The following PCDHA12 variants were observed in gnomAD, a reference collection of about 807,000 sequenced individuals.
PCDHA12 encodes protocadherin alpha-12.
In PCDHA12, 44 loss-of-function variants were observed where a neutral mutation model predicts 60.0. The observed-to-expected ratio is 0.73, with a 90% CI of 0.58 to 0.94. PCDHA12 has a LOEUF of 0.94. Among genes scored for constraint, PCDHA12 ranks in the 40% least tolerant of loss-of-function variants. PCDHA12 has a pLI of 0.00. For missense variants in PCDHA12, 1,276 were observed against 1,239.7 expected, an observed-to-expected ratio of 1.03 and a Z score of -0.44; for synonymous variants, 569 against 553.0, an observed-to-expected ratio of 1.03 and a Z score of -0.40.
At chr5:140,966,724 CGCCTCCGGCCCTGCCCGGCT>C (rs1563354102) in intron 1 of PCDHA12, 1 of 1,396,284 alleles carries the variant, frequency 7.2e-7, no homozygotes, top group Admixed American at 3.3e-5. Flanking sequence ...GGGAAGCTGC[CGCCTCCGGCCCTGCCCGGCT>C]GCCTCCGCCG....
intron 1 of PCDHA12, among the ~76,000 whole-genome samples, chr5:140,948,999 ATT>A (rs782571922): frequency 1.3e-5 from 2 of 151,708 alleles, no homozygotes; most frequent in Non-Finnish European, 3.0e-5. Flanking sequence ...CATTTTACTA[ATT>A]TTTATATGTG....
chr5:140,960,316 G>A (rs1360755627), intron 1 of PCDHA12, among the ~76,000 whole-genome samples: 1 of 152,066 alleles, frequency 6.6e-6, no homozygotes, highest in African/African-American at 2.4e-5. Flanking sequence ...ACCTCATTAG[G>A]GTCCTGTGAG....
chr5:140,966,258 A>G, intron 1 of PCDHA12: 1 of 337,520 alleles, frequency 3.0e-6, no homozygotes, highest in Non-Finnish European at 5.3e-6. Context: ...GAGACGGTGG[A>G]GACTGGATGA....
intron 3 of PCDHA12, among the ~76,000 whole-genome samples, chr5:140,984,759 T>C (rs2097119018): frequency 6.6e-6 from 1 of 152,184 alleles, no homozygotes; most frequent in Non-Finnish European, 1.5e-5. Context: ...AGTTGAATTC[T>C]AATCCCAAGC....
chr5:141,005,626 C>T (rs554956978), intron 3 of PCDHA12, among the ~76,000 whole-genome samples: 5 of 136,646 alleles, frequency 3.7e-5, no homozygotes, highest in South Asian at 4.9e-4. Context: ...GGCGTGAACC[C>T]GGGAGGCGGA....
intron 1 of PCDHA12, among the ~76,000 whole-genome samples, chr5:140,878,256 C>G (rs2057518420): frequency 6.6e-6 from 1 of 152,160 alleles, no homozygotes; most frequent in Admixed American, 6.5e-5. Flanking sequence ...TCCTCACGTG[C>G]TTAGGCTTTT....
At chr5:140,931,751 A>G (rs1393748704) in intron 1 of PCDHA12, among the ~76,000 whole-genome samples, 2 of 151,952 alleles carry the variant, frequency 1.3e-5, no homozygotes, top group African/African-American at 4.8e-5. Context: ...TCACAAAGGC[A>G]TTTGTTATTT....
intron 1 of PCDHA12, 146 bp from the exon 2 acceptor site, chr5:140,978,803 C>A: frequency 2.0e-6 from 3 of 1,485,240 alleles, no homozygotes; most frequent in Middle Eastern, 1.8e-4. Context: ...ATGTAGATAT[C>A]ATCATAGAGT....
chr5:140,878,927 A>G (rs1176306554), intron 1 of PCDHA12, among the ~76,000 whole-genome samples: 1 of 152,216 alleles, frequency 6.6e-6, no homozygotes, highest in African/African-American at 2.4e-5. Context: ...TCAATCAATA[A>G]TTTTAAATAA....
intron 3 of PCDHA12, among the ~76,000 whole-genome samples, chr5:141,002,590 C>T (rs183905414): frequency 6.6e-6 from 1 of 152,294 alleles, no homozygotes; most frequent in East Asian, 1.9e-4. Flanking sequence ...AGTCCTTAGT[C>T]CCCTCATCTA....
In PCDHA12 at chr5:140,875,323, A is replaced by G; in HGVS notation, c.-150A>G. On this transcript the variant is annotated 5_prime_UTR_variant, in exon 1 of 4. Coordinates refer to ENST00000398631, the MANE Select transcript of PCDHA12 (RefSeq NM_018903.4). ...CTCCGCACCCACATTCCAATCATTC[A>G]CGGAATAGGATCGACTCCATAATGA... 3 of 1,427,940 alleles carry G rather than the reference A, an allele frequency of 2.1e-6. No individual in the cohort carries two copies. Among genetic ancestry groups the G allele is most frequent in the South Asian group, 3.2e-5 (2 of 63,362 alleles). 88.5% of individuals were successfully genotyped at this position (1,427,940 alleles called of 1,614,324 possible).
At chr5:140,967,695 T>G in intron 1 of PCDHA12, 1 of 1,614,184 alleles carries the variant, frequency 6.2e-7, no homozygotes, top group Non-Finnish European at 8.5e-7. Flanking sequence ...CTCTTCAGCA[T>G]AGATGCCAGT....
At chr5:140,955,343 A>G (rs1031411707) in intron 1 of PCDHA12, among the ~76,000 whole-genome samples, 16 of 152,134 alleles carry the variant, frequency 1.1e-4, no homozygotes, top group African/African-American at 3.9e-4. Context: ...TAATCCCCAC[A>G]TGTTGTGAGA....
At chr5:141,005,696 C>A (rs1269379462) in intron 3 of PCDHA12, among the ~76,000 whole-genome samples, 1 of 105,034 alleles carries the variant, frequency 9.5e-6, no homozygotes, top group African/African-American at 4.2e-5. Flanking sequence ...AGCGAAACTC[C>A]GTCTCAAAAA....
In PCDHA12 at chr5:140,886,687, A is replaced by G. The variant is rs553566283; in HGVS notation, c.2367+8848A>G. On this transcript the variant is annotated intron_variant, in intron 1 of 3. Coordinates refer to ENST00000398631, the MANE Select transcript of PCDHA12 (RefSeq NM_018903.4). The stretch of plus-strand genomic sequence containing the variant: ...CTAAAAATACAAAAATTAGCGAGGC[A>G]TGGTGGCACGCGCCTGTAATCCCAG... Among the ~76,000 whole-genome samples, 418 of 152,114 alleles carry G rather than the reference A, an allele frequency of 2.7e-3. 2 individuals are homozygous for G. Among genetic ancestry groups the G allele is most frequent in the Middle Eastern group, 0.014 (4 of 294 alleles).
At chr5:140,994,636 T>C (rs1243732393) in intron 3 of PCDHA12, among the ~76,000 whole-genome samples, 1 of 151,996 alleles carries the variant, frequency 6.6e-6, no homozygotes, top group Admixed American at 6.6e-5. Flanking sequence ...ACCTGGAAGG[T>C]GGAGGTTGCA....
chr5:140,999,764 T>G (rs1587850651), intron 3 of PCDHA12, among the ~76,000 whole-genome samples: 1 of 152,284 alleles, frequency 6.6e-6, no homozygotes, highest in East Asian at 1.9e-4. Flanking sequence ...CATGATGTCT[T>G]TATACTCTTA....
At chr5:140,927,063 C>G in intron 1 of PCDHA12, 1 of 1,611,332 alleles carries the variant, frequency 6.2e-7, no homozygotes. Context: ...ACTTTCGCTT[C>G]CTTTCCAGCC....
chr5:140,906,243 A>T (rs2072484346), intron 1 of PCDHA12, among the ~76,000 whole-genome samples: 1 of 152,190 alleles, frequency 6.6e-6, no homozygotes, highest in South Asian at 2.1e-4. Flanking sequence ...GTCAACTTGA[A>T]CCCATACACA....
Sources: gnomAD v4.1 joint callset for allele counts (sites outside exome capture counted in the v4.1 genomes callset) on GRCh38, gnomAD v4.1.1 for gene constraint, MANE v1.5 for transcripts, NCBI Gene and HGNC (gene_info 2026-07-23, HGNC 2026-07-21) for gene names.